The following TTC28 variants were observed in gnomAD, a reference collection of about 807,000 sequenced individuals.
TTC28 encodes tetratricopeptide repeat domain 28.
In TTC28, 61 loss-of-function variants were observed where a neutral mutation model predicts 198.0. The observed-to-expected ratio is 0.31, with a 90% CI of 0.25 to 0.38. The LOEUF is 0.38. Ranked by LOEUF, TTC28 falls within the 10% of genes least tolerant of loss-of-function variation. The pLI, the probability that TTC28 is intolerant of heterozygous loss-of-function variation, is 1.00. For missense variants in TTC28, 2,678 were observed against 3,164.0 expected (o/e 0.85, Z 3.69); for synonymous variants, 1,171 against 1,297.8 (o/e 0.90, Z 2.10).
At chr22:28,331,368 GAATATGCTC>G (rs991700686) in intron 2 of TTC28, among the ~76,000 whole-genome samples, 1 of 151,970 alleles carries the variant, frequency 6.6e-6, no homozygotes, top group African/African-American at 2.4e-5. Flanking sequence ...AAAATGTTAG[GAATATGCTC>G]CACAGCCCCA....
At chr22:28,220,695 T>G (rs746377056) in intron 5 of TTC28, among the ~76,000 whole-genome samples, 11 of 152,222 alleles carry the variant, frequency 7.2e-5, no homozygotes. Context: ...ATAATGTACA[T>G]TCTGTCACTT....
chr22:28,014,136 T>C (rs1938261321), intron 14 of TTC28, 112 bp downstream of exon 14: 1 of 1,326,134 alleles, frequency 7.5e-7, no homozygotes. Context: ...CTGGAAAGCC[T>C]CCGGTTGTCT....
chr22:28,137,672 C>T (rs2146979156), intron 6 of TTC28, among the ~76,000 whole-genome samples: 1 of 152,068 alleles, frequency 6.6e-6, no homozygotes, highest in South Asian at 2.1e-4. Context: ...TATGACCTTG[C>T]CTCAGAAGTC....
intron 5 of TTC28, among the ~76,000 whole-genome samples, chr22:28,205,408 G>A (rs564595498): frequency 6.6e-6 from 1 of 151,996 alleles, no homozygotes; most frequent in African/African-American, 2.4e-5. Context: ...AAAAGATCAT[G>A]GGCACCTGAA....
chr22:28,166,058 A>G (rs1026495628), intron 5 of TTC28, among the ~76,000 whole-genome samples: 2 of 152,230 alleles, frequency 1.3e-5, no homozygotes, highest in African/African-American at 4.8e-5. Context: ...ACTTTAAACC[A>G]ACAAAGATCA....
At chr22:28,196,050 C>T (rs1266928441) in intron 5 of TTC28, among the ~76,000 whole-genome samples, 1 of 151,838 alleles carries the variant, frequency 6.6e-6, no homozygotes, top group Admixed American at 6.6e-5. Context: ...TACAAGGCTA[C>T]AGTAACCAAA....
chr22:28,521,492 G>A (rs1014172516), intron 2 of TTC28, among the ~76,000 whole-genome samples: 6 of 152,164 alleles, frequency 3.9e-5, no homozygotes, highest in African/African-American at 9.7e-5. Flanking sequence ...AGATTGCAGA[G>A]AGGAGAAAAC....
At chr22:28,311,572 T>C (rs2045257611) in intron 2 of TTC28, among the ~76,000 whole-genome samples, 3 of 152,134 alleles carry the variant, frequency 2.0e-5, no homozygotes, top group Admixed American at 2.0e-4. Context: ...CATAAGATAG[T>C]TTAATACAAG....
chr22:28,017,797 A>G (rs1237005211), intron 13 of TTC28, among the ~76,000 whole-genome samples: 1 of 152,126 alleles, frequency 6.6e-6, no homozygotes, highest in East Asian at 1.9e-4. Flanking sequence ...TAAGGAGGCC[A>G]CCTGTGTCAA....
intron 16 of TTC28, among the ~76,000 whole-genome samples, chr22:27,997,239 C>T (rs564861357): frequency 1.2e-4 from 18 of 152,354 alleles, no homozygotes; most frequent in South Asian, 4.1e-4. Context: ...AACCAAGGGA[C>T]GGCCGTGAGG....
chr22:28,118,518 C>T (rs1205756192), intron 6 of TTC28, among the ~76,000 whole-genome samples: 1 of 152,140 alleles, frequency 6.6e-6, no homozygotes, highest in Admixed American at 6.5e-5. Context: ...CATACCTTCT[C>T]TATGTTTAGA....
intron 2 of TTC28, among the ~76,000 whole-genome samples, chr22:28,622,774 T>C (rs896481365): frequency 1.3e-5 from 2 of 151,838 alleles, no homozygotes; most frequent in African/African-American, 4.8e-5. Flanking sequence ...AAATATATAA[T>C]GCAAAGAGTA....
intron 2 of TTC28, among the ~76,000 whole-genome samples, chr22:28,602,909 T>G (rs1371080354): frequency 2.0e-5 from 3 of 152,196 alleles, no homozygotes; most frequent in Non-Finnish European, 4.4e-5. Context: ...AGACAGAATC[T>G]TGCTCTGTCG....
intron 2 of TTC28, among the ~76,000 whole-genome samples, chr22:28,345,695 T>C (rs2045893386): frequency 6.6e-6 from 1 of 152,234 alleles, no homozygotes. Context: ...CAAAGACTTT[T>C]ATTGAATAGA....
intron 12 of TTC28, among the ~76,000 whole-genome samples, chr22:28,062,581 T>C (rs1940593363): frequency 6.6e-6 from 1 of 152,102 alleles, no homozygotes; most frequent in African/African-American, 2.4e-5. Flanking sequence ...GTGATCCTCC[T>C]GTCTAGCCTC....
Position 28,179,891 on chromosome 22 carries a change from T to C in TTC28, c.934-16292A>G, listed in dbSNP as rs369161274. 1.7e-3 allele frequency among the ~76,000 whole-genome samples: 264 copies of C among 152,360 alleles called. 10 individuals carry two copies. In the South Asian group the frequency reaches 0.052, roughly 30 times the overall value. ...TAGTTGACACTATCTAGTGATTCTA[T>C]ATGTACCAATTAACACAGGTTTCTG... On this transcript the variant is annotated intron_variant, in intron 5 of 22. Transcript: ENST00000397906.
chr22:28,446,632 G>A (rs2047707127), intron 2 of TTC28, among the ~76,000 whole-genome samples: 2 of 152,140 alleles, frequency 1.3e-5, no homozygotes, highest in African/African-American at 2.4e-5. Flanking sequence ...CTTGGACCAT[G>A]ACTGTAAACT....
At chr22:28,578,246 C>T (rs1285289968) in intron 2 of TTC28, among the ~76,000 whole-genome samples, 1 of 151,888 alleles carries the variant, frequency 6.6e-6, no homozygotes, top group African/African-American at 2.4e-5. Context: ...AAAGAGAAAA[C>T]TATTGAAAAC....
At chr22:28,603,535 A>C (rs1461100460) in intron 2 of TTC28, among the ~76,000 whole-genome samples, 1 of 152,118 alleles carries the variant, frequency 6.6e-6, no homozygotes, top group Non-Finnish European at 1.5e-5. Flanking sequence ...CTACAGCTAC[A>C]TGCCACCATA....
Sources: allele counts gnomAD v4.1 joint callset (sites outside exome capture counted in the v4.1 genomes callset), GRCh38; gene constraint gnomAD v4.1.1; transcripts MANE v1.5; gene names NCBI Gene and HGNC (gene_info 2026-07-23, HGNC 2026-07-21).